The following AMBRA1 variants were observed in gnomAD, a reference collection of about 807,000 sequenced individuals.
AMBRA1 encodes activating molecule in BECN1-regulated autophagy protein 1.
Under a neutral mutation model 125.4 loss-of-function variants are expected in AMBRA1, and 47 were observed. That is an observed-to-expected ratio of 0.37 (90% CI 0.30 to 0.48). The LOEUF (loss-of-function observed/expected upper bound fraction) is 0.48. Ranked by LOEUF, AMBRA1 falls within the 20% of genes least tolerant of loss-of-function variation. AMBRA1 has a pLI of 0.99. For synonymous variants in AMBRA1, 626 were observed against 655.5 expected (o/e 0.95, Z 0.69); for missense variants, 1,331 against 1,693.4 (o/e 0.79, Z 3.76).
chr11:46,406,873 A>T (rs969515638), intron 17 of AMBRA1, among the ~76,000 whole-genome samples: 1 of 143,268 alleles, frequency 7.0e-6, no homozygotes, highest in Admixed American at 7.2e-5. Flanking sequence ...ACAGAGTGAG[A>T]CTCCATCTCA....
chr11:46,510,630 T>A (rs931677692), intron 8 of AMBRA1, among the ~76,000 whole-genome samples: 1 of 152,174 alleles, frequency 6.6e-6, no homozygotes, highest in South Asian at 2.1e-4. Context: ...AAGACTGCCT[T>A]TTTATGTAGG....
chr11:46,535,373 G>A (rs936614822), intron 7 of AMBRA1, among the ~76,000 whole-genome samples: 22 of 152,156 alleles, frequency 1.4e-4, no homozygotes, highest in African/African-American at 5.3e-4. Context: ...AGAAAAAAGG[G>A]ACCTACAAGC....
intron 17 of AMBRA1, among the ~76,000 whole-genome samples, chr11:46,399,655 G>GTGCC (rs1404611511): frequency 6.6e-6 from 1 of 152,188 alleles, no homozygotes; most frequent in Non-Finnish European, 1.5e-5. Context: ...GTGAGCCACC[G>GTGCC]TGCCTGGTCA....
intron 1 of AMBRA1, among the ~76,000 whole-genome samples, chr11:46,588,695 A>C (rs1000345072): frequency 6.6e-6 from 1 of 151,784 alleles, no homozygotes; most frequent in African/African-American, 2.4e-5. Flanking sequence ...GAATCGCTTG[A>C]ACCCAGGAGG....
chr11:46,443,671 A>G (rs1482698714), intron 11 of AMBRA1, 73 bp from the exon 12 acceptor site: 5 of 1,296,358 alleles, frequency 3.9e-6, no homozygotes, highest in Non-Finnish European at 4.4e-6. Context: ...ATAAAACAAT[A>G]CTGGGATTAG....
intron 17 of AMBRA1, among the ~76,000 whole-genome samples, chr11:46,406,073 A>G (rs917390570): frequency 2.7e-5 from 4 of 150,748 alleles, no homozygotes; most frequent in African/African-American, 9.8e-5. Flanking sequence ...ATTATTTTTG[A>G]GACAGAGTCT....
intron 11 of AMBRA1, among the ~76,000 whole-genome samples, chr11:46,479,656 C>G (rs927837387): frequency 3.3e-4 from 50 of 152,104 alleles, no homozygotes; most frequent in African/African-American, 1.2e-3. Context: ...GAGACTACAC[C>G]ACGGCACTCC....
chr11:46,580,647 A>G (rs2044137482), intron 1 of AMBRA1, among the ~76,000 whole-genome samples: 1 of 152,090 alleles, frequency 6.6e-6, no homozygotes, highest in Admixed American at 6.6e-5. Flanking sequence ...GAATCTTTCT[A>G]CTTCTATCTC....
intron 7 of AMBRA1, among the ~76,000 whole-genome samples, chr11:46,520,700 A>C (rs1248442908): frequency 6.8e-6 from 1 of 146,968 alleles, no homozygotes; most frequent in East Asian, 2.0e-4. Context: ...GGTTCACGCC[A>C]TTCTCCTGCC....
chr11:46,469,586 T>C (rs1949486172), intron 11 of AMBRA1, among the ~76,000 whole-genome samples: 1 of 152,210 alleles, frequency 6.6e-6, no homozygotes, highest in African/African-American at 2.4e-5. Flanking sequence ...GAAAATACTA[T>C]AAACTAGGCA....
chr11:46,591,554 C>T (rs1407176548), intron 1 of AMBRA1: 1 of 152,160 alleles, frequency 6.6e-6, no homozygotes, highest in Non-Finnish European at 1.5e-5. Flanking sequence ...TGAATCTCTG[C>T]ACCCTTAAAA....
intron 17 of AMBRA1, among the ~76,000 whole-genome samples, 169 bp from the exon 18 acceptor site, chr11:46,398,112 C>T (rs1389427945): frequency 6.6e-6 from 1 of 152,248 alleles, no homozygotes; most frequent in Non-Finnish European, 1.5e-5. Context: ...CTAGACAAAA[C>T]CCCCAAAATG....
chr11:46,511,199 T>C (rs1951244264), intron 8 of AMBRA1, among the ~76,000 whole-genome samples: 2 of 152,226 alleles, frequency 1.3e-5, no homozygotes, highest in South Asian at 4.1e-4. Flanking sequence ...CTTCTCTATC[T>C]CAGTGCTTCA....
intron 9 of AMBRA1, among the ~76,000 whole-genome samples, chr11:46,507,919 G>A (rs995437223): frequency 1.3e-5 from 2 of 152,174 alleles, no homozygotes; most frequent in African/African-American, 4.8e-5. Flanking sequence ...TGTTGCCCGA[G>A]GAGCAACAGC....
At chr11:46,463,096 C>T (rs1949169090) in intron 11 of AMBRA1, among the ~76,000 whole-genome samples, 1 of 152,180 alleles carries the variant, frequency 6.6e-6, no homozygotes, top group Non-Finnish European at 1.5e-5. Context: ...TCTCACTAAC[C>T]TGATTATGAT....
intron 1 of AMBRA1, among the ~76,000 whole-genome samples, chr11:46,572,777 A>G (rs1167208408): frequency 1.3e-5 from 2 of 152,072 alleles, no homozygotes; most frequent in South Asian, 2.1e-4. Context: ...CCCACTGTAC[A>G]TTTGTGGTCA....
intron 12 of AMBRA1, among the ~76,000 whole-genome samples, chr11:46,441,747 G>A (rs1673237572): frequency 6.6e-6 from 1 of 152,066 alleles, no homozygotes; most frequent in Non-Finnish European, 1.5e-5. Flanking sequence ...AAGGAAAGAG[G>A]AGCAGAACTG....
At chr11:46,477,803 T>G (rs1013693909) in intron 11 of AMBRA1, among the ~76,000 whole-genome samples, 1 of 151,940 alleles carries the variant, frequency 6.6e-6, no homozygotes, top group Non-Finnish European at 1.5e-5. Flanking sequence ...AGGCCAGGCA[T>G]AGTGGCTCAC....
rs377496805 is a variant in AMBRA1, at chr11:46,531,135, G to A, written c.2072+10810C>T. ...TGACCTCAAGTGATCCACCTGCCTC[G>A]GCCTCCCAAAGTGCTGGGATTACAG... On this transcript the variant is annotated intron_variant, in intron 7 of 17. Coordinates refer to ENST00000683756, the MANE Select transcript of AMBRA1 (RefSeq NM_001387011.1). Among the ~76,000 whole-genome samples, 253 of 152,044 alleles carry A rather than the reference G, an allele frequency of 1.7e-3. 3 individuals carry two copies. Among genetic ancestry groups the A allele is most frequent in the Non-Finnish European group, 2.5e-3 (167 of 67,986 alleles).
Sources: allele counts gnomAD v4.1 joint callset (sites outside exome capture counted in the v4.1 genomes callset), GRCh38; gene constraint gnomAD v4.1.1; transcripts MANE v1.5; gene names NCBI Gene and HGNC (gene_info 2026-07-23, HGNC 2026-07-21).